The following CFAP20DC variants were observed in gnomAD, a reference collection of about 807,000 sequenced individuals.
CFAP20DC encodes protein CFAP20DC.
In CFAP20DC, 84 loss-of-function variants were observed where a neutral mutation model predicts 101.7. That is an observed-to-expected ratio of 0.83 (90% CI 0.69 to 0.99). CFAP20DC has a LOEUF of 0.99. Among genes scored for constraint, CFAP20DC ranks in the 50% least tolerant of loss-of-function variants. The pLI is 0.00. For missense variants in CFAP20DC, 1,007 were observed against 970.3 expected (o/e 1.04, Z -0.50); for synonymous variants, 359 against 351.2 (o/e 1.02, Z -0.25).
intron 4 of CFAP20DC, among the ~76,000 whole-genome samples, chr3:58,947,407 C>T (rs890890573): frequency 6.6e-6 from 1 of 152,242 alleles, no homozygotes; most frequent in African/African-American, 2.4e-5. Context: ...ATGGGGGCAT[C>T]GCTCCCCGAA....
intron 4 of CFAP20DC, among the ~76,000 whole-genome samples, chr3:59,020,670 G>A (rs2093785134): frequency 6.6e-6 from 1 of 151,972 alleles, no homozygotes; most frequent in South Asian, 2.1e-4. Flanking sequence ...CATGTTAACT[G>A]GGCTGGCCAA....
At position 58,719,642 on chromosome 3, in the gene CFAP20DC, C is replaced by G. The variant is rs79086447; in HGVS notation, c.198-2014G>C. 2.8e-3 allele frequency among the ~76,000 whole-genome samples: 427 copies of G among 152,278 alleles called. 3 individuals are homozygous for G. The highest frequency in any genetic ancestry group is 9.9e-3 in the African/African-American group (413 of 41,566). The stretch of plus-strand genomic sequence containing the variant: ...GCTTGATGAACTTGTTTTTACCCAC[C>G]TCTTGAAATGTCATTATAATTCTGG... On this transcript the variant is annotated intron_variant, in intron 3 of 3. Coordinates refer to the CFAP20DC transcript ENST00000486145.
chr3:58,832,446 T>C (rs981418004), intron 13 of CFAP20DC, among the ~76,000 whole-genome samples: 6 of 152,150 alleles, frequency 3.9e-5, no homozygotes, highest in Admixed American at 3.3e-4. Flanking sequence ...ATTAAGTAAA[T>C]AAACAAAAAC....
rs188532023 is a variant in CFAP20DC at position 58,815,980 on chromosome 3, T to C, written c.2176-9524A>G. Reference sequence around the variant, plus strand: ...CTCCTCAGGGATCTAGAACTGGAAATATCATTTGACCCAGCCATCCCATTA... The same window carrying C: ...CTCCTCAGGGATCTAGAACTGGAAACATCATTTGACCCAGCCATCCCATTA... On this transcript the variant is annotated intron_variant, in intron 14 of 16. Transcript: ENST00000482387. 5.9e-3 allele frequency among the ~76,000 whole-genome samples: 899 copies of C among 151,768 alleles called. 16 individuals carry two copies. The highest frequency in any genetic ancestry group is 0.014 in the Middle Eastern group (4 of 292).
intron 14 of CFAP20DC, among the ~76,000 whole-genome samples, chr3:58,811,250 C>A (rs1005286464): frequency 2.0e-5 from 3 of 152,106 alleles, no homozygotes; most frequent in Non-Finnish European, 2.9e-5. Context: ...TTGCCAAGTC[C>A]ATCCTAAGCC....
intron 5 of CFAP20DC, among the ~76,000 whole-genome samples, chr3:58,927,359 C>A (rs1289833154): frequency 6.6e-6 from 1 of 152,092 alleles, no homozygotes; most frequent in Admixed American, 6.5e-5. Context: ...TCCTGTAAAT[C>A]AAGGGTTGCC....
intron 14 of CFAP20DC, among the ~76,000 whole-genome samples, chr3:58,812,540 G>C (rs1356421480): frequency 6.6e-6 from 1 of 151,120 alleles, no homozygotes; most frequent in Non-Finnish European, 1.5e-5. Flanking sequence ...GAACATCACA[G>C]TCTGGGGACT....
intron 15 of CFAP20DC, among the ~76,000 whole-genome samples, chr3:58,764,292 G>C (rs551606362): frequency 6.6e-6 from 1 of 152,186 alleles, no homozygotes; most frequent in Admixed American, 6.5e-5. Flanking sequence ...AGACTGCTGT[G>C]CTAGCAATAA....
At chr3:58,781,721 C>G (rs1481253371) in intron 15 of CFAP20DC, among the ~76,000 whole-genome samples, 1 of 151,970 alleles carries the variant, frequency 6.6e-6, no homozygotes, top group Non-Finnish European at 1.5e-5. Flanking sequence ...TACAAACTAT[C>G]AAGATTAAAT....
At chr3:58,733,511 T>TA (rs199565176) in intron 3 of CFAP20DC, among the ~76,000 whole-genome samples, 2 of 151,888 alleles carry the variant, frequency 1.3e-5, no homozygotes, top group Non-Finnish European at 2.9e-5. Context: ...AGAATAAAAG[T>TA]AAAAAAAACC....
intron 6 of CFAP20DC, among the ~76,000 whole-genome samples, chr3:58,891,217 G>A (rs2082216245): frequency 6.6e-6 from 1 of 152,064 alleles, no homozygotes. Context: ...GCGGTTAGGG[G>A]CTGGAGACCG....
chr3:58,990,334 T>C (rs182252984), intron 4 of CFAP20DC, among the ~76,000 whole-genome samples: 28 of 152,358 alleles, frequency 1.8e-4, no homozygotes, highest in Middle Eastern at 3.4e-3. Flanking sequence ...TTCCCAAGAA[T>C]AACTAATGAG....
chr3:59,032,374 C>T (rs994253471), intron 4 of CFAP20DC, among the ~76,000 whole-genome samples: 1 of 152,066 alleles, frequency 6.6e-6, no homozygotes, highest in Non-Finnish European at 1.5e-5. Flanking sequence ...GGAAAGGGGG[C>T]TGAAGCCAGG....
At chr3:58,881,955 C>A (rs971334835) in intron 7 of CFAP20DC, among the ~76,000 whole-genome samples, 1 of 152,090 alleles carries the variant, frequency 6.6e-6, no homozygotes, top group Admixed American at 6.6e-5. Context: ...AGCTTCAAAG[C>A]TCACAAATGT....
At chr3:58,826,347 A>G (rs958810893) in intron 14 of CFAP20DC, among the ~76,000 whole-genome samples, 2 of 152,218 alleles carry the variant, frequency 1.3e-5, no homozygotes, top group Middle Eastern at 3.4e-3. Flanking sequence ...ACATGGGCAG[A>G]ATGTGTAGGT....
chr3:58,952,362 G>A (rs2090211959), intron 4 of CFAP20DC, among the ~76,000 whole-genome samples: 1 of 152,166 alleles, frequency 6.6e-6, no homozygotes, highest in South Asian at 2.1e-4. Context: ...CACCCTGGAT[G>A]TGAATTCTCC....
intron 4 of CFAP20DC, among the ~76,000 whole-genome samples, chr3:58,983,336 C>CT (rs1442896871): frequency 2.0e-5 from 3 of 152,112 alleles, no homozygotes; most frequent in Admixed American, 1.3e-4. Flanking sequence ...GCTAATCCTA[C>CT]TTTTTTGTCA....
intron 3 of CFAP20DC, among the ~76,000 whole-genome samples, chr3:59,039,922 G>T (rs1380153065): frequency 6.6e-6 from 1 of 151,838 alleles, no homozygotes; most frequent in Non-Finnish European, 1.5e-5. Flanking sequence ...GGTTGCAAGA[G>T]AATGTACACA....
chr3:58,746,019 C>T (rs150274246), intron 16 of CFAP20DC, among the ~76,000 whole-genome samples: 171 of 152,186 alleles, frequency 1.1e-3, no homozygotes, highest in Non-Finnish European at 2.3e-3. Flanking sequence ...ATATGTGAGC[C>T]AGACACAAAA....
Sources: gnomAD v4.1 joint callset for allele counts (sites outside exome capture counted in the v4.1 genomes callset) on GRCh38, gnomAD v4.1.1 for gene constraint, MANE v1.5 for transcripts, NCBI Gene and HGNC (gene_info 2026-07-23, HGNC 2026-07-21) for gene names.